NEBL: variants seen among roughly 807,000 people sequenced by gnomAD.
NEBL encodes LIM and SH3 protein 2.
NEBL carries 122 observed loss-of-function variants against 140.2 expected under a neutral mutation model. The ratio of observed to expected loss-of-function variants is 0.87; its 90% CI spans 0.75 to 1.01. NEBL has a LOEUF of 1.01. NEBL is among the 50% of genes least tolerant of loss of function. The pLI is 0.00. For synonymous variants in NEBL, 436 were observed against 398.9 expected (o/e 1.09, Z -1.11); for missense variants, 1,365 against 1,231.3 (o/e 1.11, Z -1.62).
intron 1 of NEBL, among the ~76,000 whole-genome samples, chr10:21,285,866 G>T (rs1202524652): frequency 2.0e-5 from 3 of 152,216 alleles, no homozygotes; most frequent in Admixed American, 2.0e-4. Context: ...GCCATGCTTG[G>T]CTGCTATGCT....
intron 26 of NEBL, among the ~76,000 whole-genome samples, chr10:20,800,346 T>C (rs1836996926): frequency 6.6e-6 from 1 of 152,138 alleles, no homozygotes; most frequent in Non-Finnish European, 1.5e-5. Flanking sequence ...TGTGTATATA[T>C]ACACATTTTC....
rs202127185 is a variant in NEBL, at chr10:20,808,598, T to C, written c.2673A>G (p.Thr891=). 2.6e-4 allele frequency: 421 copies of C among 1,613,608 alleles called. 3 individuals carry two copies. The highest frequency in any genetic ancestry group is 1.8e-3 in the Middle Eastern group (11 of 6,058). ...TTTCTGACCTGTCGTCTCCGAGACC[T>C]GTACCGAAAGTACTGCTGGAATGGG... ...SRSHSSSTFG[T]GLGDDRSEIS... is the part of the protein sequence containing the mutation. Residue 891 remains threonine (T), a synonymous_variant, in exon 26 of 28, where the codon ACA becomes ACG. Coordinates refer to ENST00000377122, the MANE Select transcript of NEBL (RefSeq NM_006393.3).
intron 2 of NEBL, among the ~76,000 whole-genome samples, chr10:21,044,359 C>G (rs570398494): frequency 1.5e-5 from 2 of 137,178 alleles, no homozygotes; most frequent in African/African-American, 5.3e-5. Context: ...ATGGTGCCAC[C>G]GCACTCCAGC....
chr10:21,014,137 TTTTAGA>T (rs1838463877), intron 3 of NEBL, among the ~76,000 whole-genome samples: 1 of 152,000 alleles, frequency 6.6e-6, no homozygotes, highest in South Asian at 2.1e-4. Context: ...ATTAATATTA[TTTTAGA>T]TTTAGGGTCT....
At chr10:21,159,839 T>C (rs1840482750) in intron 2 of NEBL, among the ~76,000 whole-genome samples, 1 of 152,220 alleles carries the variant, frequency 6.6e-6, no homozygotes, top group Non-Finnish European at 1.5e-5. Flanking sequence ...CCATCCCACG[T>C]TGGCAAAACT....
chr10:21,130,495 T>A (rs1383615304), intron 2 of NEBL, among the ~76,000 whole-genome samples: 3 of 152,140 alleles, frequency 2.0e-5, no homozygotes. Context: ...ACAGACCACA[T>A]TAAATACACC....
At chr10:21,260,200 G>A (rs1475093073) in intron 1 of NEBL, among the ~76,000 whole-genome samples, 3 of 152,134 alleles carry the variant, frequency 2.0e-5, no homozygotes, top group African/African-American at 4.8e-5. Flanking sequence ...CAGCTCATCC[G>A]GGAATCCGGT....
At chr10:21,034,007 A>ATTAC (rs1833910370) in intron 2 of NEBL, among the ~76,000 whole-genome samples, 2 of 151,770 alleles carry the variant, frequency 1.3e-5, no homozygotes, top group Admixed American at 6.6e-5. Context: ...CTCTACAAAA[A>ATTAC]AATACAAAAA....
Position 21,234,020 on chromosome 10 carries a change from T to C in NEBL, n.348+13901A>G, listed in dbSNP as rs532680517. On this transcript the variant is annotated intron_variant and non_coding_transcript_variant, in intron 3 of 8. Coordinates refer to the NEBL transcript ENST00000675702. ...TTTAGGAGATTGTGAGATAGATAGA[T>C]AGATAGATAGATAGATAGATAGATA... Among the ~76,000 whole-genome samples the C allele has an allele frequency of 4.0e-4, 55 of 136,058 alleles. No homozygotes were observed. The South Asian group carries it at 0.016, about 39-fold the overall frequency. The allele number at this position is 136,058 out of a possible 152,430, so 89.3% of individuals were successfully genotyped here.
chr10:20,798,665 C>A (rs1272591429), intron 26 of NEBL, among the ~76,000 whole-genome samples: 1 of 152,208 alleles, frequency 6.6e-6, no homozygotes, highest in African/African-American at 2.4e-5. Context: ...GACACACATG[C>A]TAGAGCCACA....
intron 4 of NEBL, among the ~76,000 whole-genome samples, chr10:20,954,382 A>G (rs1236818262): frequency 6.6e-6 from 1 of 152,234 alleles, no homozygotes; most frequent in African/African-American, 2.4e-5. Flanking sequence ...GTATAGAAAA[A>G]AAGACACAGC....
intron 24 of NEBL, among the ~76,000 whole-genome samples, chr10:20,811,355 C>A (rs1282587146): frequency 6.6e-6 from 1 of 152,186 alleles, no homozygotes; most frequent in Non-Finnish European, 1.5e-5. Context: ...TGGAAGTAAG[C>A]TGTACAGACT....
At chr10:21,072,455 G>C (rs1321440426) in intron 2 of NEBL, among the ~76,000 whole-genome samples, 1 of 152,194 alleles carries the variant, frequency 6.6e-6, no homozygotes, top group East Asian at 1.9e-4. Flanking sequence ...CACTACATGA[G>C]AGGTGCCACT....
rs1304349178 is a variant in NEBL at position 21,215,370 on chromosome 10, CTTA to C, written n.348+32548_348+32550del. Among the ~76,000 whole-genome samples the C allele has an allele frequency of 5.9e-5, 9 of 152,208 alleles. No homozygotes were observed. In the South Asian group the frequency reaches 1.5e-3, roughly 25 times the overall value. On this transcript the variant is annotated intron_variant and non_coding_transcript_variant, in intron 3 of 8. Coordinates refer to the NEBL transcript ENST00000675702. ...AGAATATGTGTTTGCAATGGGCTGT[CTTA>C]TTATGGGCATTTCATGGTGCTCATA...
intron 4 of NEBL, among the ~76,000 whole-genome samples, chr10:20,931,706 G>C (rs1268550792): frequency 6.6e-6 from 1 of 152,154 alleles, no homozygotes; most frequent in Non-Finnish European, 1.5e-5. Flanking sequence ...GACATGACAT[G>C]GACGAGGGTC....
chr10:20,859,749 A>C lies in NEBL; in HGVS notation c.762T>G (p.Phe254Leu), dbSNP rs1363895420. ...GTGTAGCAGCAAGCTGATTCTGCCT[A>C]AAAGAAGCACTTTCAAGAGGATTGT... is the stretch of plus-strand genomic sequence containing the variant. ...HHYNPLESAS[F>L]RQNQLAATLA... Residue 254 changes from phenylalanine (F) to leucine (L), a missense_variant, in exon 8 of 28, where the codon TTT becomes TTG. Phe to Leu is a conservative substitution (Grantham distance 22). Coordinates refer to ENST00000377122, the MANE Select transcript of NEBL (RefSeq NM_006393.3). The C allele has an allele frequency of 6.2e-7, 1 of 1,603,774 alleles. No individual in the cohort carries two copies. The highest frequency in any genetic ancestry group is 8.5e-7 in the Non-Finnish European group (1 of 1,171,440).
intron 4 of NEBL, among the ~76,000 whole-genome samples, chr10:20,959,926 G>A (rs1307523576): frequency 3.3e-5 from 5 of 151,926 alleles, no homozygotes; most frequent in East Asian, 1.9e-4. Flanking sequence ...ATACATACCT[G>A]TGTGATAAGG....
intron 2 of NEBL, among the ~76,000 whole-genome samples, chr10:21,086,349 C>CA (rs1836629095): frequency 6.6e-6 from 1 of 152,184 alleles, no homozygotes; most frequent in Non-Finnish European, 1.5e-5. Flanking sequence ...CCCTATAACT[C>CA]AAACAAGGTG....
rs1056990008 is a variant in NEBL, at chr10:20,823,375, T to C, written c.1870-75A>G. The C allele has an allele frequency of 7.4e-6, 8 of 1,083,988 alleles. No individual in the cohort carries two copies. In the African/African-American group the frequency reaches 9.6e-5, roughly 13 times the overall value. The allele number at this position is 1,083,988 out of a possible 1,614,324, so 67.1% of individuals were successfully genotyped here. The stretch of plus-strand genomic sequence containing the variant: ...TAAAATATTGAGAATTCTTCAATTG[T>C]AACTATTGCATAATTGAATTTTATT... On this transcript the variant is annotated intron_variant, in intron 18 of 27. Transcript: ENST00000377122.
Sources: gnomAD v4.1 joint callset for allele counts (sites outside exome capture counted in the v4.1 genomes callset) on GRCh38, gnomAD v4.1.1 for gene constraint, MANE v1.5 for transcripts, NCBI Gene and HGNC (gene_info 2026-07-23, HGNC 2026-07-21) for gene names.